CYP2C19: variants seen among roughly 807,000 people sequenced by gnomAD.
CYP2C19 encodes the protein cytochrome P450 2C19.
A neutral mutation model predicts 40.9 loss-of-function variants in CYP2C19; 59 were observed. The ratio of observed to expected loss-of-function variants is 1.44; its 90% CI spans 1.17 to 1.79. The LOEUF is 1.79. CYP2C19 is among the 40% of genes most tolerant of loss of function. The probability of loss-of-function intolerance (pLI) is 0.00; values close to 1 mark genes in which losing one functional copy is unlikely to be tolerated. For synonymous variants in CYP2C19, 253 were observed against 208.7 expected (o/e 1.21, Z -1.83); for missense variants, 754 against 596.9 (o/e 1.26, Z -2.74).
In CYP2C19 at chr10:94,820,627, A is replaced by C; in HGVS notation, c.951A>C (p.Pro317=). 1 of 1,614,204 alleles carries C rather than the reference A, an allele frequency of 6.2e-7. No homozygotes were observed. The highest frequency in any genetic ancestry group is 8.5e-7 in the Non-Finnish European group (1 of 1,180,040). ...CTCTCCTTCTCCTGCTGAAGCACCC[A>C]GAGGTCACAGGTATGATCACAGAGG... ...RYALLLLLKH[P]EVTAKVQEEI... is the part of the protein sequence containing the mutation. Residue 317 remains proline, a synonymous_variant, in exon 6 of 9, where the codon CCA becomes CCC. Coordinates refer to ENST00000371321, the MANE Select transcript of CYP2C19 (RefSeq NM_000769.4).
At chr10:94,827,607 A>G (rs1274017115) in intron 6 of CYP2C19, among the ~76,000 whole-genome samples, 1 of 152,148 alleles carries the variant, frequency 6.6e-6, no homozygotes, top group Non-Finnish European at 1.5e-5. Flanking sequence ...TCCTTTCAAA[A>G]AAACCAGCTC....
chr10:94,801,256 T>C (rs555059247), intron 5 of CYP2C19, among the ~76,000 whole-genome samples: 1 of 152,338 alleles, frequency 6.6e-6, no homozygotes, highest in South Asian at 2.1e-4. Context: ...CTCTACACAA[T>C]GCTTTAAATG....
chr10:94,839,720 CT>C (rs1478148586), intron 6 of CYP2C19, among the ~76,000 whole-genome samples: 1 of 152,220 alleles, frequency 6.6e-6, no homozygotes, highest in Non-Finnish European at 1.5e-5. Flanking sequence ...TCTAAATCTG[CT>C]TCCACAAGAG....
At chr10:94,812,920 G>T (rs1436492525) in intron 5 of CYP2C19, among the ~76,000 whole-genome samples, 1 of 151,672 alleles carries the variant, frequency 6.6e-6, no homozygotes, top group Non-Finnish European at 1.5e-5. Flanking sequence ...AAGGAGTTGT[G>T]ATCCTTTGGA....
At chr10:94,845,264 C>A (rs1202045736) in intron 7 of CYP2C19, among the ~76,000 whole-genome samples, 2 of 152,176 alleles carry the variant, frequency 1.3e-5, no homozygotes, top group Non-Finnish European at 2.9e-5. Context: ...TTGACATCTG[C>A]TATTGTAGCA....
At chr10:94,805,079 T>C (rs1475584045) in intron 5 of CYP2C19, among the ~76,000 whole-genome samples, 2 of 152,176 alleles carry the variant, frequency 1.3e-5, no homozygotes, top group East Asian at 3.8e-4. Flanking sequence ...TGGCTAGAAC[T>C]TCCAATACTA....
chr10:94,827,611 C>G (rs1344608839), intron 6 of CYP2C19, among the ~76,000 whole-genome samples: 1 of 152,150 alleles, frequency 6.6e-6, no homozygotes, highest in Admixed American at 6.5e-5. Context: ...TTCAAAAAAA[C>G]CAGCTCCTGG....
At chr10:94,843,911 G>A (rs1216602618) in intron 7 of CYP2C19, among the ~76,000 whole-genome samples, 2 of 152,188 alleles carry the variant, frequency 1.3e-5, no homozygotes, top group Admixed American at 1.3e-4. Context: ...GATTTTGGTA[G>A]AAATTCTTTA....
chr10:94,764,266 CCCATTTTACAGAGTGCTGATTTGT>C (rs1848212101), intron 1 of CYP2C19, among the ~76,000 whole-genome samples: 1 of 152,180 alleles, frequency 6.6e-6, no homozygotes, highest in East Asian at 1.9e-4. Context: ...TGCTGATTGG[CCCATTTTACAGAGTGCTGATTTGT>C]CCATTTTGCA....
At chr10:94,852,704 T>G in intron 8 of CYP2C19, 29 bp from the exon 9 acceptor site, 1 of 1,610,174 alleles carries the variant, frequency 6.2e-7, no homozygotes, top group Non-Finnish European at 8.5e-7. Context: ...ACATGAGGAG[T>G]AACTTCTCCC....
rs181130773 is a variant in CYP2C19 at position 94,834,276 on chromosome 10, T to C, written c.962-8561T>C. 1.6e-3 allele frequency among the ~76,000 whole-genome samples: 240 copies of C among 152,312 alleles called. 1 individual carries two copies. The highest frequency in any genetic ancestry group is 2.7e-3 in the Non-Finnish European group (187 of 68,030). On this transcript the variant is annotated intron_variant, in intron 6 of 8. Transcript: ENST00000371321. ...TGTCCATTTCTTCTAGATTTTCCAA[T>C]TTATTGGCATATAGTTGCTCATAGT...
intron 5 of CYP2C19, among the ~76,000 whole-genome samples, chr10:94,791,397 T>C (rs1183071839): frequency 6.6e-6 from 1 of 152,074 alleles, no homozygotes; most frequent in East Asian, 1.9e-4. Flanking sequence ...TTATTTCTTG[T>C]CTTCTGCTAG....
chr10:94,827,844 A>AGAGATTCT (rs1169893463), intron 6 of CYP2C19, among the ~76,000 whole-genome samples: 1 of 151,870 alleles, frequency 6.6e-6, no homozygotes, highest in Non-Finnish European at 1.5e-5. Context: ...AATGCATCCC[A>AGAGATTCT]GAGATTCTGG....
intron 7 of CYP2C19, among the ~76,000 whole-genome samples, chr10:94,844,790 A>T (rs1284748051): frequency 6.6e-6 from 1 of 152,194 alleles, no homozygotes; most frequent in East Asian, 1.9e-4. Flanking sequence ...CGCTTCTCAA[A>T]ATTAGGGTCT....
chr10:94,835,999 C>T (rs553985522), intron 6 of CYP2C19, among the ~76,000 whole-genome samples: 214 of 152,284 alleles, frequency 1.4e-3, no homozygotes, highest in African/African-American at 4.9e-3. Context: ...AAGTTCCCCT[C>T]GAGTGGTGTA....
intron 5 of CYP2C19, among the ~76,000 whole-genome samples, chr10:94,805,768 C>T (rs897635240): frequency 2.0e-5 from 3 of 152,166 alleles, no homozygotes; most frequent in Non-Finnish European, 4.4e-5. Flanking sequence ...ATTTCCTCAA[C>T]TATGCAAACT....
intron 6 of CYP2C19, 31 bp downstream of exon 6, chr10:94,820,668 T>A: frequency 6.2e-7 from 1 of 1,613,818 alleles, no homozygotes; most frequent in Non-Finnish European, 8.5e-7. Flanking sequence ...TTAATTGAGT[T>A]TTAGGAAAGA....
At chr10:94,801,162 C>CTA (rs1384359382) in intron 5 of CYP2C19, among the ~76,000 whole-genome samples, 1 of 152,178 alleles carries the variant, frequency 6.6e-6, no homozygotes, top group Non-Finnish European at 1.5e-5. Context: ...CACTAAATCT[C>CTA]TAGTTCTTTT....
intron 6 of CYP2C19, among the ~76,000 whole-genome samples, chr10:94,841,471 A>G (rs1486922912): frequency 6.6e-6 from 1 of 152,186 alleles, no homozygotes; most frequent in Non-Finnish European, 1.5e-5. Flanking sequence ...TGCAGTTGCA[A>G]GATTTAATAG....
Sources: gnomAD v4.1 joint callset for allele counts (sites outside exome capture counted in the v4.1 genomes callset) on GRCh38, gnomAD v4.1.1 for gene constraint, MANE v1.5 for transcripts, NCBI Gene and HGNC (gene_info 2026-07-23, HGNC 2026-07-21) for gene names.